The following INSYN2B variants were observed in gnomAD, a reference collection of about 807,000 sequenced individuals.
The protein encoded by INSYN2B is protein INSYN2B.
In INSYN2B, 16 loss-of-function variants were observed where a neutral mutation model predicts 41.2. That is an observed-to-expected ratio of 0.39 (90% CI 0.26 to 0.59). The LOEUF is 0.59. INSYN2B is among the 20% of genes least tolerant of loss of function. The probability of loss-of-function intolerance (pLI) is 0.57; values close to 1 mark genes in which losing one functional copy is unlikely to be tolerated. For synonymous variants in INSYN2B, 245 were observed against 244.4 expected, an observed-to-expected ratio of 1.00 and a Z score of -0.02; for missense variants, 608 against 646.4, an observed-to-expected ratio of 0.94 and a Z score of 0.64.
At chr5:169,905,038 G>A (rs1413833601) in intron 1 of INSYN2B, among the ~76,000 whole-genome samples, 2 of 152,186 alleles carry the variant, frequency 1.3e-5, no homozygotes, top group Non-Finnish European at 2.9e-5. Flanking sequence ...TAGTAGTCAT[G>A]ACACTCTCAT....
intron 1 of INSYN2B, among the ~76,000 whole-genome samples, chr5:169,929,127 C>T (rs950838294): frequency 6.6e-6 from 1 of 152,154 alleles, no homozygotes; most frequent in African/African-American, 2.4e-5. Flanking sequence ...ACCAGAGTGC[C>T]TATGCAGGAA....
chr5:169,951,475 C>G (rs552198728), intron 1 of INSYN2B, among the ~76,000 whole-genome samples: 46 of 152,282 alleles, frequency 3.0e-4, no homozygotes, highest in Admixed American at 3.0e-3. Context: ...AAATTCTTGG[C>G]TAATTCACTC....
chr5:169,877,933 T>C (rs1392112076), intron 3 of INSYN2B, among the ~76,000 whole-genome samples: 1 of 152,124 alleles, frequency 6.6e-6, no homozygotes, highest in East Asian at 1.9e-4. Flanking sequence ...ACAGCATGCT[T>C]GGATGGGAGA....
chr5:169,883,414 C>T lies in INSYN2B; in HGVS notation c.485G>A (p.Arg162Gln), dbSNP rs765954241. The change falls in exon 2 of 4, where the codon CGA (arginine) becomes CAA (glutamine). Residue 162 changes from arginine to glutamine, a missense_variant. Transcript: ENST00000377365. ...RLAQHLEDGP[R>Q]RVKVSHAFLP... ...GAATGCATGGGACACCTTGACCCTT[C>T]GAGGCCCATCCTCAAGATGCTGAGC... The T allele has an allele frequency of 3.2e-5, 49 of 1,551,640 alleles. No homozygotes were observed. In the East Asian group the frequency reaches 8.1e-4, roughly 26 times the overall value.
chr5:169,898,063 G>A (rs1773713963), intron 1 of INSYN2B, among the ~76,000 whole-genome samples: 1 of 152,194 alleles, frequency 6.6e-6, no homozygotes, highest in Admixed American at 6.5e-5. Flanking sequence ...TGGGGAGAGA[G>A]TCCCCTGTCA....
intron 1 of INSYN2B, among the ~76,000 whole-genome samples, chr5:169,887,168 A>G (rs1773019870): frequency 6.6e-6 from 1 of 152,210 alleles, no homozygotes; most frequent in South Asian, 2.1e-4. Context: ...GTGCAAGGCT[A>G]GCAAGCAGGT....
Position 169,883,871 on chromosome 5 carries a change from GTC to G in INSYN2B, c.26_27del (p.Arg9ThrfsTer7), listed in dbSNP as rs1421363636. On this transcript the variant is annotated frameshift_variant, in exon 2 of 4. Transcript: ENST00000377365. LOFTEE classifies it high-confidence loss of function. Reference sequence around the variant, plus strand: ...AGACTGTTACGCTTTAGAAGCACAGGTCTCACTTTCATATTTTGCTGGGCCAT... The same window carrying G: ...AGACTGTTACGCTTTAGAAGCACAGGTCACTTTCATATTTTGCTGGGCCAT... MAQQNMKV[R>X]PVLLKRNSLE... 2.0e-6 allele frequency: 3 copies of G among 1,516,164 alleles called. No homozygotes were observed. The highest frequency in any genetic ancestry group is 2.7e-6 in the Non-Finnish European group (3 of 1,128,386). 93.9% of individuals were successfully genotyped at this position (1,516,164 alleles called of 1,614,324 possible). A position where few individuals can be genotyped will look rare whatever the true frequency, so the allele number is the denominator to read the frequency against.
chr5:169,979,746 C>T (rs547918129), intron 1 of INSYN2B, among the ~76,000 whole-genome samples: 4 of 152,294 alleles, frequency 2.6e-5, no homozygotes, highest in East Asian at 1.9e-4. Context: ...GGCACGCAAC[C>T]GGGTTTTTCT....
chr5:169,878,437 G>T (rs1772452815), intron 3 of INSYN2B, among the ~76,000 whole-genome samples: 1 of 152,136 alleles, frequency 6.6e-6, no homozygotes, highest in Admixed American at 6.6e-5. Context: ...GTATTTAAAA[G>T]GACTAGTTTT....
At chr5:169,934,462 G>A (rs932656051) in intron 1 of INSYN2B, among the ~76,000 whole-genome samples, 1 of 152,178 alleles carries the variant, frequency 6.6e-6, no homozygotes, top group Non-Finnish European at 1.5e-5. Flanking sequence ...CACCACACTG[G>A]TTTTGTAGTA....
intron 3 of INSYN2B, among the ~76,000 whole-genome samples, chr5:169,878,780 G>A (rs763715613): frequency 1.6e-4 from 24 of 152,310 alleles, no homozygotes; most frequent in Middle Eastern, 3.4e-3. Flanking sequence ...GAGTGATTGG[G>A]GCCAAAACAG....
intron 3 of INSYN2B, among the ~76,000 whole-genome samples, chr5:169,866,884 T>C (rs1771598678): frequency 6.6e-6 from 1 of 152,114 alleles, no homozygotes; most frequent in African/African-American, 2.4e-5. Flanking sequence ...TGGCCACCAG[T>C]TGGGTGTCTT....
chr5:169,881,223 GC>G (rs1772627876), intron 3 of INSYN2B, 144 bp downstream of exon 3: 1 of 668,236 alleles, frequency 1.5e-6, no homozygotes, highest in Admixed American at 2.5e-5. Context: ...AGCAATCCCT[GC>G]CTTGGAACCA....
At chr5:169,966,679 A>G (rs971418246) in intron 1 of INSYN2B, among the ~76,000 whole-genome samples, 16 of 152,168 alleles carry the variant, frequency 1.1e-4, no homozygotes, top group African/African-American at 3.9e-4. Context: ...CAGGGACAGC[A>G]AGTGGCAGGA....
At chr5:169,936,383 A>T (rs1561837264) in intron 1 of INSYN2B, among the ~76,000 whole-genome samples, 1 of 152,134 alleles carries the variant, frequency 6.6e-6, no homozygotes. Context: ...TTATCTGGCC[A>T]TTTTAGGAGA....
intron 1 of INSYN2B, among the ~76,000 whole-genome samples, chr5:169,912,772 G>A (rs1774675585): frequency 6.6e-6 from 1 of 152,110 alleles, no homozygotes; most frequent in African/African-American, 2.4e-5. Context: ...ATCAAACATA[G>A]CAGGGTGGCA....
chr5:169,900,260 A>C (rs1017015607), intron 1 of INSYN2B, among the ~76,000 whole-genome samples: 1 of 152,186 alleles, frequency 6.6e-6, no homozygotes, highest in Non-Finnish European at 1.5e-5. Context: ...TGGGACCTTT[A>C]GACAACCCTA....
intron 1 of INSYN2B, among the ~76,000 whole-genome samples, chr5:169,899,471 C>T (rs261059): frequency 0.3 from 45,952 of 152,006 alleles, 8,999 homozygotes; most frequent in African/African-American, 0.56. Flanking sequence ...GATTGCAGGT[C>T]AAAAATGAGC....
Position 169,908,102 on chromosome 5 carries a change from A to T in INSYN2B, c.-918-23286T>A, listed in dbSNP as rs192346389. Reference sequence around the variant, plus strand: ...TTCATTGAACAACAGAGCAAGGGAAAGCCCAATGTATTCTGCAGCCCCATT... The same window carrying T: ...TTCATTGAACAACAGAGCAAGGGAATGCCCAATGTATTCTGCAGCCCCATT... On this transcript the variant is annotated intron_variant, in intron 1 of 3. Coordinates refer to ENST00000377365, the MANE Select transcript of INSYN2B (RefSeq NM_001129891.3). 3.2e-3 allele frequency among the ~76,000 whole-genome samples: 480 copies of T among 152,336 alleles called. 4 individuals are homozygous for T. The highest frequency in any genetic ancestry group is 0.011 in the African/African-American group (443 of 41,568).
Sources: allele counts gnomAD v4.1 joint callset (sites outside exome capture counted in the v4.1 genomes callset), GRCh38; gene constraint gnomAD v4.1.1; transcripts MANE v1.5; gene names NCBI Gene and HGNC (gene_info 2026-07-23, HGNC 2026-07-21).